Variants in TANC2 observed in about 807,000 individuals in gnomAD.
TANC2 encodes the protein protein TANC2.
In TANC2, 26 loss-of-function variants were observed where a neutral mutation model predicts 210.5. The ratio of observed to expected loss-of-function variants is 0.12; its 90% CI spans 0.09 to 0.17. TANC2 has a LOEUF of 0.17. TANC2 is among the 10% of genes least tolerant of loss of function. The pLI is 1.00. For missense variants in TANC2, 2,129 were observed against 2,608.9 expected (o/e 0.82, Z 4.01); for synonymous variants, 931 against 967.1 (o/e 0.96, Z 0.69).
chr17:62,991,023 A>G (rs1429111680), intron 1 of TANC2, among the ~76,000 whole-genome samples: 1 of 152,188 alleles, frequency 6.6e-6, no homozygotes, highest in Non-Finnish European at 1.5e-5. Flanking sequence ...TATTTGGTAT[A>G]TCACTAACTA....
At chr17:63,265,406 G>C (rs1313923890) in intron 8 of TANC2, among the ~76,000 whole-genome samples, 1 of 152,142 alleles carries the variant, frequency 6.6e-6, no homozygotes, top group Non-Finnish European at 1.5e-5. Flanking sequence ...TGGGCCAATG[G>C]TATGGCCTCT....
chr17:63,238,069 C>A lies in TANC2; in HGVS notation c.1025C>A (p.Ser342Ter). ...TTGTATCTCATGCCACGGCCAAATT[C>A]AGTAGCAGGTAAGTTTTTGTTGTTG... Residue 342 changes from serine (S) to a stop codon, truncating the protein, a stop_gained, in exon 8 of 28, where the codon TCA becomes TAA. Coordinates refer to ENST00000689528, the Ensembl canonical transcript of TANC2. LOFTEE classifies it high-confidence loss of function. 6.5e-7 allele frequency: 1 copy of A among 1,535,934 alleles called. No individual in the cohort carries two copies. The highest frequency in any genetic ancestry group is 1.2e-5 in the South Asian group (1 of 80,862).
At chr17:63,064,735 T>G (rs1309193051) in intron 2 of TANC2, among the ~76,000 whole-genome samples, 1 of 152,154 alleles carries the variant, frequency 6.6e-6, no homozygotes, top group Non-Finnish European at 1.5e-5. Flanking sequence ...CTTTATATAC[T>G]GTTTATTGTA....
chr17:63,043,406 T>C (rs916309335), intron 2 of TANC2, among the ~76,000 whole-genome samples: 5 of 152,108 alleles, frequency 3.3e-5, no homozygotes, highest in African/African-American at 1.2e-4. Context: ...TACATACATA[T>C]ATAAACCCAT....
At chr17:63,110,428 A>G (rs767914090) in intron 4 of TANC2, among the ~76,000 whole-genome samples, 1 of 151,790 alleles carries the variant, frequency 6.6e-6, no homozygotes, top group South Asian at 2.1e-4. Flanking sequence ...TTAGGTTGCT[A>G]TAAGAAAAAA....
chr17:63,388,966 T>G (rs1335511071), intron 16 of TANC2, among the ~76,000 whole-genome samples: 1 of 152,226 alleles, frequency 6.6e-6, no homozygotes, highest in Admixed American at 6.5e-5. Context: ...AAGCTGACTC[T>G]GACATATGGG....
chr17:63,044,071 G>A (rs1024990573), intron 2 of TANC2, among the ~76,000 whole-genome samples: 7 of 151,876 alleles, frequency 4.6e-5, no homozygotes, highest in African/African-American at 1.2e-4. Context: ...TCTATTTTGC[G>A]TTAAGAATGA....
chr17:63,140,655 C>T (rs979420428), intron 4 of TANC2, among the ~76,000 whole-genome samples: 6 of 152,140 alleles, frequency 3.9e-5, no homozygotes, highest in Non-Finnish European at 8.8e-5. Context: ...ATGCCCACTG[C>T]GCTATGTAAT....
At chr17:63,116,596 T>C (rs1419746587) in intron 4 of TANC2, among the ~76,000 whole-genome samples, 1 of 151,354 alleles carries the variant, frequency 6.6e-6, no homozygotes, top group Non-Finnish European at 1.5e-5. Flanking sequence ...TTTGAAACTT[T>C]CTTTATCTAG....
At chr17:63,213,550 T>G (rs957316221) in intron 7 of TANC2, among the ~76,000 whole-genome samples, 1 of 152,236 alleles carries the variant, frequency 6.6e-6, no homozygotes, top group Non-Finnish European at 1.5e-5. Context: ...GAAATCAGGA[T>G]AAGTATACAT....
chr17:63,211,398 G>T (rs776515782), intron 7 of TANC2, among the ~76,000 whole-genome samples: 1 of 151,858 alleles, frequency 6.6e-6, no homozygotes, highest in Non-Finnish European at 1.5e-5. Context: ...TTGTTCTAGC[G>T]GCAATAGTTT....
chr17:63,253,826 T>G (rs958219288), intron 8 of TANC2, among the ~76,000 whole-genome samples: 3 of 151,896 alleles, frequency 2.0e-5, no homozygotes, highest in Non-Finnish European at 4.4e-5. Context: ...TGTTGTTGTT[T>G]TTGGTAGAGA....
At chr17:63,212,695 G>A (rs544846425) in intron 7 of TANC2, among the ~76,000 whole-genome samples, 94 of 152,250 alleles carry the variant, frequency 6.2e-4, no homozygotes, top group African/African-American at 2.1e-3. Flanking sequence ...GCCTCTCAAA[G>A]TGCTGGGATT....
At chr17:63,306,676 C>T (rs888112559) in intron 9 of TANC2, among the ~76,000 whole-genome samples, 49 of 152,174 alleles carry the variant, frequency 3.2e-4, no homozygotes, top group Non-Finnish European at 6.3e-4. Context: ...TTATGGGGGC[C>T]GGGCATGGTG....
intron 8 of TANC2, among the ~76,000 whole-genome samples, chr17:63,238,661 A>C (rs1427467729): frequency 2.0e-5 from 3 of 152,226 alleles, no homozygotes; most frequent in African/African-American, 4.8e-5. Context: ...TCGGTTAAAA[A>C]AAATTGTATT....
intron 9 of TANC2, among the ~76,000 whole-genome samples, chr17:63,283,449 G>C (rs955809414): frequency 6.6e-6 from 1 of 150,548 alleles, no homozygotes; most frequent in African/African-American, 2.4e-5. Context: ...TTGCATTTCC[G>C]TGTGAAGCCT....
intron 1 of TANC2, among the ~76,000 whole-genome samples, chr17:62,988,295 C>CCTTTT (rs1298402282): frequency 3.6e-5 from 4 of 111,738 alleles, no homozygotes; most frequent in Non-Finnish European, 5.2e-5. Context: ...ACCTGGCTAA[C>CCTTTT]TTTTTTTTTT....
chr17:63,092,859 T>G (rs1002637441), intron 3 of TANC2, among the ~76,000 whole-genome samples: 1 of 152,090 alleles, frequency 6.6e-6, no homozygotes, highest in Non-Finnish European at 1.5e-5. Flanking sequence ...GGGGCAAATA[T>G]CCAAACTATA....
intron 4 of TANC2, among the ~76,000 whole-genome samples, chr17:63,134,305 T>C (rs2039017432): frequency 6.6e-6 from 1 of 152,196 alleles, no homozygotes; most frequent in South Asian, 2.1e-4. Context: ...CCCACTACCA[T>C]GGTCATTATA....
Sources: allele counts gnomAD v4.1 joint callset (sites outside exome capture counted in the v4.1 genomes callset), GRCh38; gene constraint gnomAD v4.1.1; transcripts MANE v1.5; gene names NCBI Gene and HGNC (gene_info 2026-07-23, HGNC 2026-07-21).